RPGRIP1: variants seen among roughly 807,000 people sequenced by gnomAD.
RPGRIP1 encodes X-linked retinitis pigmentosa GTPase regulator-interacting protein 1.
In RPGRIP1, 128 loss-of-function variants were observed where a neutral mutation model predicts 157.9. The observed-to-expected ratio is 0.81, with a 90% CI of 0.70 to 0.94. The LOEUF is 0.94. Ranked by LOEUF, RPGRIP1 falls within the 40% of genes least tolerant of loss-of-function variation. The pLI, the probability that RPGRIP1 is intolerant of heterozygous loss-of-function variation, is 0.00. For missense variants in RPGRIP1, 1,486 were observed against 1,545.8 expected, an observed-to-expected ratio of 0.96 and a Z score of 0.65; for synonymous variants, 554 against 571.6, an observed-to-expected ratio of 0.97 and a Z score of 0.44.
intron 1 of RPGRIP1, among the ~76,000 whole-genome samples, chr14:21,283,889 C>T (rs907635926): frequency 6.6e-6 from 1 of 152,120 alleles, no homozygotes; most frequent in African/African-American, 2.4e-5. Context: ...CCTCAGCCTC[C>T]CAAAGTGTTG....
At position 21,344,761 on chromosome 14, in the gene RPGRIP1, C is replaced by T. The variant is rs577683179; in HGVS notation, c.3533-352C>T. 3.9e-5 allele frequency among the ~76,000 whole-genome samples: 6 copies of T among 152,248 alleles called. No individual in the cohort carries two copies. The East Asian group carries it at 7.7e-4, about 20-fold the overall frequency. On this transcript the variant is annotated intron_variant, in intron 22 of 24. Transcript: ENST00000400017. ...AGAAGTTGGAGACCAGCCTGGCCAACGTGGCAAAACCCTGTCTCTACTAAA... is the reference window on the plus strand; with the variant it reads ...AGAAGTTGGAGACCAGCCTGGCCAATGTGGCAAAACCCTGTCTCTACTAAA...
At position 21,324,649 on chromosome 14, in the gene RPGRIP1, A is replaced by T; in HGVS notation, c.1794A>T (p.Arg598=). Residue 598 remains arginine (R), a synonymous_variant, in exon 15 of 25, where the codon CGA becomes CGT. Coordinates refer to ENST00000400017, the MANE Select transcript of RPGRIP1 (RefSeq NM_020366.4). ...EQLKDVAYGT[R]PLSLCLETLP... ...TCAAAGATGTTGCTTATGGCACCCG[A>T]CCGTTGTCGTTATGTTTGGAAACAC... The T allele has an allele frequency of 6.2e-7, 1 of 1,613,880 alleles. No homozygotes were observed. The highest frequency in any genetic ancestry group is 8.5e-7 in the Non-Finnish European group (1 of 1,179,892).
Position 21,330,257 on chromosome 14 carries a change from T to G in RPGRIP1, c.3108T>G (p.Asn1036Lys). 1 of 1,560,288 alleles carries G rather than the reference T, an allele frequency of 6.4e-7. No individual in the cohort carries two copies. Among genetic ancestry groups the G allele is most frequent in the South Asian group, 1.2e-5 (1 of 80,524 alleles). Reference sequence around the variant, plus strand: ...TTGTTCTTATTCTGAAGCAGGTGAATTACACTGAGTGGAAGTTCTCAGAGA... The same window carrying G: ...TTGTTCTTATTCTGAAGCAGGTGAAGTACACTGAGTGGAAGTTCTCAGAGA... ...ILNGNTPEQV[N>K]YTEWKFSETN... is the part of the protein sequence containing the mutation. The change falls in exon 20 of 25, where the codon AAT becomes AAG. Residue 1036 changes from asparagine (N) to lysine (K), a missense_variant. Transcript: ENST00000400017.
At chr14:21,318,907 C>A (rs1410447641) in intron 11 of RPGRIP1, among the ~76,000 whole-genome samples, 1 of 151,844 alleles carries the variant, frequency 6.6e-6, no homozygotes, top group Non-Finnish European at 1.5e-5. Context: ...GTTACCACTG[C>A]CAGTTCACCC....
At chr14:21,313,659 G>A (rs1020496804) in intron 10 of RPGRIP1, among the ~76,000 whole-genome samples, 4 of 151,840 alleles carry the variant, frequency 2.6e-5, no homozygotes, top group African/African-American at 7.3e-5. Context: ...ACAGTAGCGC[G>A]CACTTGTAAT....
At chr14:21,294,564 A>G (rs1163168893) in intron 2 of RPGRIP1, 113 bp from the exon 3 acceptor site, 3 of 1,086,208 alleles carry the variant, frequency 2.8e-6, no homozygotes, top group Non-Finnish European at 4.0e-6. Flanking sequence ...TTCCTCATAA[A>G]TACTTGACTC....
At chr14:21,300,592 T>C (rs1265167288) in intron 3 of RPGRIP1, among the ~76,000 whole-genome samples, 2 of 152,032 alleles carry the variant, frequency 1.3e-5, no homozygotes, top group African/African-American at 4.8e-5. Context: ...TTTATATTTG[T>C]CACCCATTTA....
chr14:21,330,718 T>C (rs1352024077), intron 20 of RPGRIP1, among the ~76,000 whole-genome samples: 1 of 152,172 alleles, frequency 6.6e-6, no homozygotes, highest in Non-Finnish European at 1.5e-5. Context: ...TTTAATTGTT[T>C]TGCCAAGCTA....
chr14:21,294,953 C>T (rs569460428), intron 3 of RPGRIP1, 144 bp downstream of exon 3: 2 of 600,222 alleles, frequency 3.3e-6, no homozygotes, highest in Admixed American at 7.9e-5. Context: ...AAGCAATTCT[C>T]CTGCCCCAGC....
At chr14:21,296,815 C>T (rs1880802746) in intron 3 of RPGRIP1, among the ~76,000 whole-genome samples, 3 of 151,420 alleles carry the variant, frequency 2.0e-5, no homozygotes, top group African/African-American at 7.3e-5. Context: ...ATTAGCTGGG[C>T]GTGGTGGTGG....
chr14:21,303,395 C>A lies in RPGRIP1; in HGVS notation c.652C>A (p.Leu218Ile). 1 of 1,613,794 alleles carries A rather than the reference C, an allele frequency of 6.2e-7. No homozygotes were observed. The highest frequency in any genetic ancestry group is 1.1e-5 in the South Asian group (1 of 91,074). ...CATAAGTATGGCTAAACCCATTGGT[C>A]TATGCATGCCTAACAGTGCCCACAT... Reference protein sequence around the residue: ...SVISMAKPIGLCMPNSAHIMA... With the variant: ...SVISMAKPIGICMPNSAHIMA... The change falls in exon 6 of 25, where the codon CTA becomes ATA. Residue 218 changes from leucine (L) to isoleucine (I), a missense_variant. Coordinates refer to ENST00000400017, the MANE Select transcript of RPGRIP1 (RefSeq NM_020366.4).
intron 3 of RPGRIP1, among the ~76,000 whole-genome samples, chr14:21,297,251 T>C (rs895235038): frequency 2.0e-5 from 3 of 151,956 alleles, no homozygotes; most frequent in Non-Finnish European, 4.4e-5. Flanking sequence ...TGTGCCACCA[T>C]GCCTGACTAA....
intron 2 of RPGRIP1, 91 bp downstream of exon 2, chr14:21,288,152 C>A: frequency 9.1e-6 from 7 of 766,236 alleles, no homozygotes; most frequent in Non-Finnish European, 1.6e-5. Flanking sequence ...GACTGATTTA[C>A]TTTCAGCTCT....
Position 21,326,054 on chromosome 14 carries a change from A to T in RPGRIP1, c.2591A>T (p.Tyr864Phe), listed in dbSNP as rs1026220517. 1 of 1,613,970 alleles carries T rather than the reference A, an allele frequency of 6.2e-7. No homozygotes were observed. Among genetic ancestry groups the T allele is most frequent in the Non-Finnish European group, 8.5e-7 (1 of 1,179,874 alleles). The stretch of plus-strand genomic sequence containing the variant: ...CTTGTGACCTCTGACCTGGACCATT[A>T]TCTGAGACGGGAGGCCTTGTCTATA... ...PVLVTSDLDH[Y>F]LRREALSIHV... The change falls in exon 17 of 25, where the codon TAT becomes TTT. Residue 864 changes from tyrosine (Y) to phenylalanine (F), a missense_variant. Transcript: ENST00000400017.
At chr14:21,337,598 C>T (rs923418847) in intron 21 of RPGRIP1, among the ~76,000 whole-genome samples, 15 of 151,084 alleles carry the variant, frequency 9.9e-5, no homozygotes, top group African/African-American at 3.6e-4. Flanking sequence ...TGTGTCACCA[C>T]GACCAGCTAA....
intron 21 of RPGRIP1, among the ~76,000 whole-genome samples, chr14:21,342,710 G>A (rs187837125): frequency 1.3e-5 from 2 of 151,970 alleles, no homozygotes; most frequent in Admixed American, 6.6e-5. Context: ...CACCCTCCCC[G>A]CCGCTCCGAA....
intron 6 of RPGRIP1, among the ~76,000 whole-genome samples, chr14:21,306,717 A>G (rs1174797224): frequency 6.6e-6 from 1 of 151,380 alleles, no homozygotes; most frequent in East Asian, 1.9e-4. Context: ...TCAGCCTTCC[A>G]AAGTGCTGGG....
intron 21 of RPGRIP1, among the ~76,000 whole-genome samples, chr14:21,341,107 A>C (rs1434055382): frequency 5.9e-5 from 9 of 152,234 alleles, no homozygotes; most frequent in African/African-American, 2.2e-4. Flanking sequence ...GTGCAGTGGC[A>C]CTGCAACCTC....
At chr14:21,309,006 G>A (rs1881436075) in intron 7 of RPGRIP1, among the ~76,000 whole-genome samples, 1 of 152,168 alleles carries the variant, frequency 6.6e-6, no homozygotes, top group Non-Finnish European at 1.5e-5. Context: ...AGACAAGGGC[G>A]GGAATCGCCA....
Sources: gnomAD v4.1 joint callset for allele counts (sites outside exome capture counted in the v4.1 genomes callset) on GRCh38, gnomAD v4.1.1 for gene constraint, MANE v1.5 for transcripts, NCBI Gene and HGNC (gene_info 2026-07-23, HGNC 2026-07-21) for gene names.